The following CLNK variants were observed in gnomAD, a reference collection of about 807,000 sequenced individuals.
CLNK encodes the protein cytokine dependent hematopoietic cell linker.
CLNK carries 74 observed loss-of-function variants against 68.6 expected under a neutral mutation model. That is an observed-to-expected ratio of 1.08 (90% CI 0.89 to 1.31). The LOEUF is 1.31. Ranked by LOEUF, CLNK falls within the 50% of genes most tolerant of loss-of-function variation. CLNK has a pLI of 0.00. For missense variants in CLNK, 553 were observed against 515.3 expected, an observed-to-expected ratio of 1.07 and a Z score of -0.71; for synonymous variants, 198 against 172.2, an observed-to-expected ratio of 1.15 and a Z score of -1.17.
At chr4:10,570,077 AGC>A (rs1185350182) in intron 5 of CLNK, among the ~76,000 whole-genome samples, 1 of 152,216 alleles carries the variant, frequency 6.6e-6, no homozygotes, top group Non-Finnish European at 1.5e-5. Context: ...ACACCCAGTG[AGC>A]TCTCAGCTGG....
chr4:10,656,040 C>G (rs962620167), intron 2 of CLNK, among the ~76,000 whole-genome samples: 4 of 152,028 alleles, frequency 2.6e-5, no homozygotes, highest in African/African-American at 9.7e-5. Flanking sequence ...CTCCTCCACA[C>G]TATACACAAA....
intron 18 of CLNK, among the ~76,000 whole-genome samples, chr4:10,497,619 T>C (rs891525395): frequency 2.6e-5 from 4 of 152,248 alleles, no homozygotes; most frequent in African/African-American, 9.6e-5. Context: ...CTGATTAAGC[T>C]GTTAGGATAT....
intron 14 of CLNK, 93 bp downstream of exon 14, chr4:10,525,743 CTTTCG>C: frequency 1.0e-5 from 7 of 683,106 alleles, no homozygotes; most frequent in Non-Finnish European, 1.2e-5. Flanking sequence ...GAAACAAAGA[CTTTCG>C]TTTCTCAGAA....
At chr4:10,718,757 A>G in the CLNK span, among the ~76,000 whole-genome samples, 1 of 152,102 alleles carries the variant, frequency 6.6e-6, no homozygotes, top group Non-Finnish European at 1.5e-5. Flanking sequence ...ATATGGATAA[A>G]CAAAATAGAT....
the CLNK span, among the ~76,000 whole-genome samples, chr4:10,722,822 G>T: frequency 1.2e-4 from 18 of 152,316 alleles, 1 homozygote; most frequent in East Asian, 2.5e-3. Context: ...GGCCGAGGCG[G>T]GTGGATCACC....
chr4:10,712,262 C>G, the CLNK span, among the ~76,000 whole-genome samples: 1 of 152,084 alleles, frequency 6.6e-6, no homozygotes, highest in Non-Finnish European at 1.5e-5. Context: ...TCAGCAGGAC[C>G]ACTTAGAGAA....
At chr4:10,537,477 C>CA (rs1448806913) in intron 11 of CLNK, among the ~76,000 whole-genome samples, 1 of 151,758 alleles carries the variant, frequency 6.6e-6, no homozygotes, top group Admixed American at 6.6e-5. Context: ...GATTCCATCT[C>CA]AAAAAAATAT....
chr4:10,581,133 G>A (rs555646876), intron 4 of CLNK, among the ~76,000 whole-genome samples: 1 of 152,212 alleles, frequency 6.6e-6, no homozygotes, highest in South Asian at 2.1e-4. Context: ...ATCCTGTACA[G>A]GATGTTTTGT....
intron 2 of CLNK, among the ~76,000 whole-genome samples, chr4:10,600,451 T>G (rs1212397967): frequency 5.3e-5 from 8 of 152,230 alleles, no homozygotes; most frequent in Non-Finnish European, 1.0e-4. Context: ...GGCTGCTTCC[T>G]GGAGTTTTTA....
chr4:10,499,223 C>T (rs1186632466), intron 18 of CLNK, among the ~76,000 whole-genome samples: 1 of 152,158 alleles, frequency 6.6e-6, no homozygotes, highest in Non-Finnish European at 1.5e-5. Context: ...AGACCTGACC[C>T]CAGCCAATGG....
At chr4:10,636,447 G>T (rs774704982) in intron 2 of CLNK, among the ~76,000 whole-genome samples, 1 of 152,170 alleles carries the variant, frequency 6.6e-6, no homozygotes, top group East Asian at 1.9e-4. Flanking sequence ...AGAGCACATC[G>T]CCCTGCTCAC....
chr4:10,631,952 A>G (rs964829423), intron 2 of CLNK, among the ~76,000 whole-genome samples: 1 of 152,184 alleles, frequency 6.6e-6, no homozygotes, highest in Non-Finnish European at 1.5e-5. Context: ...CCTGTTTCTG[A>G]AATAGAAGGC....
the CLNK span, among the ~76,000 whole-genome samples, chr4:10,729,530 AAAG>A: frequency 1.3e-5 from 2 of 152,248 alleles, no homozygotes; most frequent in African/African-American, 2.4e-5. Flanking sequence ...AGGGATAAAT[AAAG>A]AAAATGTTAC....
chr4:10,506,655 G>C (rs1717306473), intron 17 of CLNK, among the ~76,000 whole-genome samples: 1 of 152,084 alleles, frequency 6.6e-6, no homozygotes, highest in African/African-American at 2.4e-5. Flanking sequence ...CCAGTTTCCA[G>C]ATTTCATCTT....
intron 2 of CLNK, among the ~76,000 whole-genome samples, chr4:10,647,427 G>A (rs1420914720): frequency 6.6e-6 from 1 of 152,014 alleles, no homozygotes; most frequent in Non-Finnish European, 1.5e-5. Flanking sequence ...AGTCTCCTTT[G>A]GATTTTGAGT....
chr4:10,572,218 C>T (rs577475326), intron 4 of CLNK, among the ~76,000 whole-genome samples: 105 of 152,370 alleles, frequency 6.9e-4, no homozygotes, highest in African/African-American at 2.2e-3. Flanking sequence ...ATACATCTGT[C>T]TCCTGAATAG....
At chr4:10,610,127 G>T in intron 2 of CLNK, among the ~76,000 whole-genome samples, 1 of 120,282 alleles carries the variant, frequency 8.3e-6, no homozygotes, top group East Asian at 2.8e-4. Context: ...CGCGATCTCC[G>T]CTCACTGCAA....
At chr4:10,628,222 A>T (rs1307228474) in intron 2 of CLNK, among the ~76,000 whole-genome samples, 3 of 152,048 alleles carry the variant, frequency 2.0e-5, no homozygotes, top group African/African-American at 4.8e-5. Flanking sequence ...GGTCTTTAAT[A>T]ATCTTCGAAG....
At chr4:10,582,961 T>C (rs930899179) in intron 4 of CLNK, among the ~76,000 whole-genome samples, 2 of 152,154 alleles carry the variant, frequency 1.3e-5, no homozygotes, top group Non-Finnish European at 2.9e-5. Context: ...TTTCACAAAA[T>C]CACATGCTAT....
Sources: gnomAD v4.1 joint callset for allele counts (sites outside exome capture counted in the v4.1 genomes callset) on GRCh38, gnomAD v4.1.1 for gene constraint, MANE v1.5 for transcripts, NCBI Gene and HGNC (gene_info 2026-07-23, HGNC 2026-07-21) for gene names.